The following PCDHGB2 variants were observed in gnomAD, a reference collection of about 807,000 sequenced individuals.
PCDHGB2 encodes the protein protocadherin gamma-B2.
PCDHGB2 carries 55 observed loss-of-function variants against 59.3 expected under a neutral mutation model. The observed-to-expected ratio is 0.93, with a 90% CI of 0.75 to 1.16. The LOEUF is 1.16. PCDHGB2 is among the 50% of genes most tolerant of loss of function. The probability of loss-of-function intolerance (pLI) is 0.00; values close to 1 mark genes in which losing one functional copy is unlikely to be tolerated. For missense variants in PCDHGB2, 1,228 were observed against 1,198.5 expected, an observed-to-expected ratio of 1.02 and a Z score of -0.36; for synonymous variants, 516 against 512.0, an observed-to-expected ratio of 1.01 and a Z score of -0.11.
At chr5:141,423,549 C>T (rs748764057) in intron 1 of PCDHGB2, 113 of 1,613,568 alleles carry the variant, frequency 7.0e-5, no homozygotes, top group Non-Finnish European at 8.7e-5. Flanking sequence ...TCCCCCAGCC[C>T]AACTATGGGG....
intron 1 of PCDHGB2, chr5:141,413,899 A>G: frequency 1.2e-6 from 2 of 1,613,286 alleles, no homozygotes; most frequent in Non-Finnish European, 1.7e-6. Context: ...TGCAAATGAC[A>G]ACGCGCCGGT....
At chr5:141,444,804 A>G (rs140326088) in intron 1 of PCDHGB2, among the ~76,000 whole-genome samples, 1 of 152,250 alleles carries the variant, frequency 6.6e-6, no homozygotes, top group Non-Finnish European at 1.5e-5. Flanking sequence ...TCTTTTACTA[A>G]TAGCACACTG....
At chr5:141,371,997 C>G in intron 1 of PCDHGB2, 6 of 1,613,232 alleles carry the variant, frequency 3.7e-6, no homozygotes, top group South Asian at 1.1e-5. Context: ...TCTGCAGGCC[C>G]GCGACCAGGG....
At chr5:141,420,687 G>T (rs2096517632) in intron 1 of PCDHGB2, among the ~76,000 whole-genome samples, 1 of 152,182 alleles carries the variant, frequency 6.6e-6, no homozygotes, top group South Asian at 2.1e-4. Flanking sequence ...TATCGGGACC[G>T]TATTATTTCC....
chr5:141,389,355 G>A, intron 1 of PCDHGB2: 3 of 1,613,950 alleles, frequency 1.9e-6, no homozygotes, highest in Non-Finnish European at 1.7e-6. Flanking sequence ...CTGCATCATG[G>A]CCAGTGACCT....
intron 1 of PCDHGB2, among the ~76,000 whole-genome samples, chr5:141,438,119 A>G (rs2097930168): frequency 6.6e-6 from 1 of 152,220 alleles, no homozygotes; most frequent in Non-Finnish European, 1.5e-5. Flanking sequence ...ATGCATTCCT[A>G]AAATATTAAT....
At position 141,380,476 on chromosome 5, in the gene PCDHGB2, TC is replaced by T. The variant is rs534346627; in HGVS notation, c.2421+17923del. Among the ~76,000 whole-genome samples the T allele has an allele frequency of 1.1e-4, 16 of 152,316 alleles. No homozygotes were observed. The South Asian group carries it at 3.1e-3, about 30-fold the overall frequency. ...CAACCAAACAAATGGTCAGGATTCT[TC>T]CCAATATCTCAGTCAACAATAATAT... is the stretch of plus-strand genomic sequence containing the variant. On this transcript the variant is annotated intron_variant, in intron 1 of 3. Transcript: ENST00000522605.
At chr5:141,415,462 C>T in intron 1 of PCDHGB2, 1 of 1,614,220 alleles carries the variant, frequency 6.2e-7, no homozygotes. Context: ...CGAGGTCTCT[C>T]TCACCGCGGA....
chr5:141,414,867 C>T (rs2095797355), intron 1 of PCDHGB2: 9 of 1,614,230 alleles, frequency 5.6e-6, no homozygotes, highest in South Asian at 1.1e-5. Flanking sequence ...ACAATGCGCC[C>T]GAGATCCTGT....
intron 1 of PCDHGB2, chr5:141,410,503 A>G: frequency 6.2e-7 from 1 of 1,613,958 alleles, no homozygotes; most frequent in Non-Finnish European, 8.5e-7. Context: ...TTAATTTCCT[A>G]AAATGCAGTG....
chr5:141,430,337 C>G (rs531455580), intron 1 of PCDHGB2, among the ~76,000 whole-genome samples: 1 of 150,908 alleles, frequency 6.6e-6, no homozygotes, highest in East Asian at 2.0e-4. Context: ...TTTATAGAAA[C>G]TTCCAATTCA....
At chr5:141,498,137 G>T (rs1319960274) in intron 2 of PCDHGB2, among the ~76,000 whole-genome samples, 1 of 152,204 alleles carries the variant, frequency 6.6e-6, no homozygotes, top group Non-Finnish European at 1.5e-5. Context: ...GGAGCAGGAG[G>T]ACATCCTGGA....
At chr5:141,422,394 C>T (rs898242724) in intron 1 of PCDHGB2, 1 of 1,595,520 alleles carries the variant, frequency 6.3e-7, no homozygotes, top group Non-Finnish European at 8.5e-7. Context: ...TTATTCCTAA[C>T]CACCTGCCTT....
At chr5:141,451,957 A>C (rs1019378263) in intron 1 of PCDHGB2, among the ~76,000 whole-genome samples, 3 of 152,202 alleles carry the variant, frequency 2.0e-5, no homozygotes, top group African/African-American at 7.2e-5. Context: ...AGAAAGTGAC[A>C]TACCATCATT....
intron 1 of PCDHGB2, chr5:141,389,485 A>G (rs2091790696): frequency 1.2e-6 from 2 of 1,612,936 alleles, no homozygotes; most frequent in Non-Finnish European, 1.7e-6. Flanking sequence ...CAGGCCCGCG[A>G]CCAGGGCTCG....
chr5:141,394,962 A>G (rs971000405), intron 1 of PCDHGB2: 8 of 1,613,710 alleles, frequency 5.0e-6, no homozygotes, highest in Non-Finnish European at 6.8e-6. Context: ...GCTCAGGCTG[A>G]GGCGCTGGCA....
chr5:141,420,205 C>T (rs776838072), intron 1 of PCDHGB2: 14 of 1,612,942 alleles, frequency 8.7e-6, no homozygotes, highest in African/African-American at 1.3e-5. Context: ...ATAACCTCAA[C>T]AAAGATAGCA....
rs745435492 is a variant in PCDHGB2, at chr5:141,489,215, A to G, written c.2422-5592A>G. The G allele has an allele frequency of 4.1e-6, 6 of 1,475,362 alleles. No homozygotes were observed. Among genetic ancestry groups the G allele is most frequent in the Non-Finnish European group, 5.5e-6 (6 of 1,093,140 alleles). 91.4% of individuals were successfully genotyped at this position (1,475,362 alleles called of 1,614,324 possible). A position where few individuals can be genotyped will look rare whatever the true frequency, so the allele number is the denominator to read the frequency against. ...CTTGGAGACAGGACAGCACAGACTT[A>G]CTCTCCACAAAGGGACTTCTGGGTC... On this transcript the variant is annotated intron_variant, in intron 1 of 3. Coordinates refer to ENST00000522605, the MANE Select transcript of PCDHGB2 (RefSeq NM_018923.3). The surrounding 1 kb of genome is among the most constrained non-coding windows in gnomAD (Gnocchi z 4.5).
In PCDHGB2 at chr5:141,512,223, C is replaced by G. The variant is rs1321595614; in HGVS notation, c.*1050C>G. 6.5e-6 allele frequency: 1 copy of G among 152,728 alleles called. No individual in the cohort carries two copies. The highest frequency in any genetic ancestry group is 1.5e-5 in the Non-Finnish European group (1 of 68,110). 9.5% of individuals were successfully genotyped at this position (152,728 alleles called of 1,614,324 possible). ...CTCGAAGCAGGTTTAGGACCAGGTC[C>G]CCTTGAGAGGTCAGAGGGGCCTCTG... On this transcript the variant is annotated 3_prime_UTR_variant, in exon 4 of 4. Transcript: ENST00000522605.
Sources: gnomAD v4.1 joint callset for allele counts (sites outside exome capture counted in the v4.1 genomes callset) on GRCh38, gnomAD v4.1.1 for gene constraint, Gnocchi (gnomAD v3.1) non-coding constraint, MANE v1.5 for transcripts, NCBI Gene and HGNC (gene_info 2026-07-23, HGNC 2026-07-21) for gene names.